The following CSMD3 variants were observed in gnomAD, a reference collection of about 807,000 sequenced individuals.
CSMD3 encodes CUB and sushi domain-containing protein 3.
CSMD3 carries 177 observed loss-of-function variants against 435.2 expected under a neutral mutation model. The ratio of observed to expected loss-of-function variants is 0.41; its 90% CI spans 0.36 to 0.46. The LOEUF (loss-of-function observed/expected upper bound fraction) is 0.46. Ranked by LOEUF, CSMD3 falls within the 20% of genes least tolerant of loss-of-function variation. The pLI is 0.34. For missense variants in CSMD3, 4,265 were observed against 4,504.6 expected (o/e 0.95, Z 1.52); for synonymous variants, 1,656 against 1,520.5 (o/e 1.09, Z -2.07).
intron 3 of CSMD3, among the ~76,000 whole-genome samples, chr8:113,263,947 A>G (rs1484681831): frequency 6.6e-6 from 1 of 151,656 alleles, no homozygotes; most frequent in Non-Finnish European, 1.5e-5. Flanking sequence ...TATAGCCACC[A>G]TATTAAAATA....
chr8:112,887,002 G>T (rs1318667587), intron 10 of CSMD3, among the ~76,000 whole-genome samples: 1 of 151,426 alleles, frequency 6.6e-6, no homozygotes, highest in Non-Finnish European at 1.5e-5. Flanking sequence ...GACCTTGAGT[G>T]CATGGTCCAA....
intron 32 of CSMD3, among the ~76,000 whole-genome samples, chr8:112,427,335 G>A (rs1217490441): frequency 6.6e-6 from 1 of 152,080 alleles, no homozygotes; most frequent in Admixed American, 6.6e-5. Flanking sequence ...GACCCAGTGT[G>A]AGGTAACTGA....
intron 35 of CSMD3, among the ~76,000 whole-genome samples, chr8:112,405,242 T>TAC (rs1392039323): frequency 2.1e-5 from 2 of 95,054 alleles, no homozygotes; most frequent in East Asian, 5.9e-4. Flanking sequence ...TATATATATA[T>TAC]ATATACATAT....
chr8:112,585,046 T>C (rs1830616303), intron 23 of CSMD3, among the ~76,000 whole-genome samples: 1 of 151,582 alleles, frequency 6.6e-6, no homozygotes, highest in African/African-American at 2.4e-5. Flanking sequence ...TCTCGTTGGA[T>C]TAATGGGAAG....
chr8:112,535,271 C>G (rs1306404763), intron 27 of CSMD3, among the ~76,000 whole-genome samples: 5 of 152,012 alleles, frequency 3.3e-5, no homozygotes, highest in African/African-American at 1.2e-4. Flanking sequence ...TCTAGAAAAC[C>G]CCATTGTCTC....
intron 4 of CSMD3, among the ~76,000 whole-genome samples, chr8:113,129,010 T>C (rs994414748): frequency 4.6e-5 from 7 of 152,188 alleles, no homozygotes; most frequent in African/African-American, 1.7e-4. Context: ...GATCTGTTAC[T>C]AGACTCTCTT....
At chr8:112,933,558 C>G (rs1208461641) in intron 9 of CSMD3, among the ~76,000 whole-genome samples, 1 of 152,120 alleles carries the variant, frequency 6.6e-6, no homozygotes, top group Non-Finnish European at 1.5e-5. Flanking sequence ...TGGAGTGCAT[C>G]ACACTCTGAT....
intron 12 of CSMD3, among the ~76,000 whole-genome samples, chr8:112,813,106 C>T (rs2079273483): frequency 6.6e-6 from 1 of 152,082 alleles, no homozygotes; most frequent in Non-Finnish European, 1.5e-5. Context: ...CCTAGCCACG[C>T]CAAAGAATTG....
At chr8:112,265,924 G>T (rs35801203) in intron 59 of CSMD3, among the ~76,000 whole-genome samples, 5,501 of 152,032 alleles carry the variant, frequency 0.036, 144 homozygotes, top group Non-Finnish European at 0.058. Context: ...TGCAGAATCA[G>T]ATTTCTAACA....
At chr8:113,066,271 A>G (rs1006498287) in intron 5 of CSMD3, among the ~76,000 whole-genome samples, 14 of 152,026 alleles carry the variant, frequency 9.2e-5, no homozygotes, top group Non-Finnish European at 1.5e-4. Flanking sequence ...GGACTTTAGA[A>G]CTCTAACGTA....
intron 13 of CSMD3, among the ~76,000 whole-genome samples, chr8:112,782,929 A>G (rs2078429354): frequency 6.6e-6 from 1 of 152,146 alleles, no homozygotes. Context: ...GACCTGTCCT[A>G]TAAGAAACGC....
chr8:112,729,487 G>T (rs2077032019), intron 13 of CSMD3, among the ~76,000 whole-genome samples: 1 of 152,052 alleles, frequency 6.6e-6, no homozygotes, highest in Non-Finnish European at 1.5e-5. Context: ...GTGAAACAAA[G>T]ATTTTTGCTG....
chr8:112,399,129 G>A (rs893675882), intron 35 of CSMD3, among the ~76,000 whole-genome samples: 6 of 151,800 alleles, frequency 4.0e-5, no homozygotes, highest in Non-Finnish European at 8.8e-5. Context: ...GCTGGCCAGG[G>A]CTGGTCTCAA....
chr8:112,928,557 G>T (rs963989436), intron 9 of CSMD3, among the ~76,000 whole-genome samples: 2 of 151,524 alleles, frequency 1.3e-5, no homozygotes, highest in African/African-American at 4.8e-5. Context: ...TTGTTCTTGC[G>T]ATAGTTTACT....
At chr8:112,875,983 A>T (rs189588294) in intron 10 of CSMD3, among the ~76,000 whole-genome samples, 76 of 152,244 alleles carry the variant, frequency 5.0e-4, no homozygotes, top group Non-Finnish European at 9.7e-4. Context: ...GATCCTTTGG[A>T]AAATAAGAGG....
intron 5 of CSMD3, among the ~76,000 whole-genome samples, chr8:113,027,846 A>T (rs542977711): frequency 2.0e-5 from 3 of 152,088 alleles, no homozygotes; most frequent in Non-Finnish European, 4.4e-5. Flanking sequence ...AATGGATCTT[A>T]TAGATCTGGG....
intron 1 of CSMD3, among the ~76,000 whole-genome samples, chr8:113,399,157 CAT>C (rs909765359): frequency 1.8e-4 from 24 of 133,968 alleles, no homozygotes; most frequent in Admixed American, 6.1e-4. Context: ...CAGTAATTTT[CAT>C]ATATATATAT....
At chr8:112,646,457 A>T (rs1468230375) in intron 19 of CSMD3, among the ~76,000 whole-genome samples, 1 of 152,134 alleles carries the variant, frequency 6.6e-6, no homozygotes, top group Non-Finnish European at 1.5e-5. Flanking sequence ...TCTGTATATC[A>T]GTATTCTTTC....
intron 63 of CSMD3, among the ~76,000 whole-genome samples, chr8:112,249,286 C>T (rs10085914): frequency 0.035 from 5,386 of 152,082 alleles, 118 homozygotes; most frequent in Non-Finnish European, 0.046. Flanking sequence ...CAGTTTTACT[C>T]CCCAATATCT....
Sources: allele counts gnomAD v4.1 joint callset (sites outside exome capture counted in the v4.1 genomes callset), GRCh38; gene constraint gnomAD v4.1.1; transcripts MANE v1.5; gene names NCBI Gene and HGNC (gene_info 2026-07-23, HGNC 2026-07-21).